Variants in SLC45A3 observed in about 807,000 individuals in gnomAD.
SLC45A3 encodes solute carrier family 45 member 3.
In SLC45A3, 17 loss-of-function variants were observed where a neutral mutation model predicts 35.3. That is an observed-to-expected ratio of 0.48 (90% CI 0.33 to 0.72). SLC45A3 has a LOEUF of 0.72. SLC45A3 is among the 30% of genes least tolerant of loss of function. The pLI is 0.02. For missense variants in SLC45A3, 597 were observed against 731.7 expected (o/e 0.82, Z 2.12); for synonymous variants, 288 against 334.3 (o/e 0.86, Z 1.51).
intron 1 of SLC45A3, among the ~76,000 whole-genome samples, chr1:205,665,348 TGCTTGGCCATGA>T (rs1464983266): frequency 2.0e-5 from 3 of 152,272 alleles, no homozygotes; most frequent in Non-Finnish European, 2.9e-5. Flanking sequence ...TATTCTGCAT[TGCTTGGCCATGA>T]GCCACACTGC....
intron 1 of SLC45A3, among the ~76,000 whole-genome samples, chr1:205,679,135 C>T (rs1052681269): frequency 6.6e-6 from 1 of 152,180 alleles, no homozygotes; most frequent in African/African-American, 2.4e-5. Context: ...GGGCCCTGGT[C>T]AACTGGCAAT....
chr1:205,670,770 C>A (rs554329838), intron 1 of SLC45A3, among the ~76,000 whole-genome samples: 2 of 152,342 alleles, frequency 1.3e-5, no homozygotes, highest in African/African-American at 4.8e-5. Flanking sequence ...GCTGCCAGCG[C>A]CGGCCCCTTC....
At chr1:205,676,698 A>T (rs1671319296) in intron 1 of SLC45A3, among the ~76,000 whole-genome samples, 1 of 152,198 alleles carries the variant, frequency 6.6e-6, no homozygotes, top group African/African-American at 2.4e-5. Flanking sequence ...GAAAACACAG[A>T]CCATGTAGTA....
intron 1 of SLC45A3, among the ~76,000 whole-genome samples, chr1:205,674,267 T>TAC (rs1465136045): frequency 2.4e-5 from 3 of 123,044 alleles, no homozygotes; most frequent in Admixed American, 1.5e-4. Context: ...CTGACACTTC[T>TAC]ATAACGAAAG....
intron 1 of SLC45A3, among the ~76,000 whole-genome samples, chr1:205,671,987 C>T (rs116783335): frequency 0.021 from 3,136 of 152,302 alleles, 73 homozygotes; most frequent in African/African-American, 0.052. Flanking sequence ...TCCAACCATC[C>T]GATGAGGTGG....
intron 1 of SLC45A3, among the ~76,000 whole-genome samples, chr1:205,673,706 T>G (rs1671253787): frequency 6.6e-6 from 1 of 152,162 alleles, no homozygotes; most frequent in South Asian, 2.1e-4. Flanking sequence ...GAGTCTGTGA[T>G]CAGTCCCATT....
At chr1:205,679,933 G>A (rs1045797434) in intron 1 of SLC45A3, among the ~76,000 whole-genome samples, 2 of 151,930 alleles carry the variant, frequency 1.3e-5, no homozygotes, top group Non-Finnish European at 2.9e-5. Flanking sequence ...GCCCCTTTCC[G>A]GTGAAGCCCA....
intron 4 of SLC45A3, 96 bp downstream of exon 4, chr1:205,661,765 A>G (rs3761916): frequency 0.3 from 443,336 of 1,500,298 alleles, 68,909 homozygotes; most frequent in East Asian, 0.47. Flanking sequence ...GCATTCTCCA[A>G]AGTTGCTTGC....
At chr1:205,676,160 C>T (rs369985187) in intron 1 of SLC45A3, among the ~76,000 whole-genome samples, 6 of 152,282 alleles carry the variant, frequency 3.9e-5, no homozygotes, top group Admixed American at 6.5e-5. Flanking sequence ...TCTAAATTGC[C>T]ACATCCCTAG....
intron 1 of SLC45A3, among the ~76,000 whole-genome samples, chr1:205,680,049 G>GCCCGGCCCGT (rs1228632914): frequency 2.7e-5 from 4 of 149,622 alleles, no homozygotes; most frequent in Non-Finnish European, 6.0e-5. Flanking sequence ...GCCCGGTCCG[G>GCCCGGCCCGT]CCCGGCCCGG....
intron 1 of SLC45A3, among the ~76,000 whole-genome samples, chr1:205,679,971 T>A (rs1671376561): frequency 6.6e-6 from 1 of 150,936 alleles, no homozygotes. Flanking sequence ...AACGCAACTT[T>A]CCAAAGAAAA....
rs978303171 is a variant in SLC45A3 at position 205,666,570 on chromosome 1, G to A, written c.-230-1684C>T. ...GTTCACTCCACCACCACCTTCAGGG[G>A]CTTTGCAGCTGGCAGATCATGAAGG... is the stretch of plus-strand genomic sequence containing the variant. On this transcript the variant is annotated intron_variant, in intron 1 of 4. Coordinates refer to ENST00000367145, the MANE Select transcript of SLC45A3 (RefSeq NM_033102.3). The surrounding 1 kb of genome is among the most constrained non-coding windows in gnomAD (Gnocchi z 4.1). 6.6e-6 allele frequency among the ~76,000 whole-genome samples: 1 copy of A among 152,318 alleles called. No homozygotes were observed. Among genetic ancestry groups the A allele is most frequent in the South Asian group, 2.1e-4 (1 of 4,826 alleles).
Position 205,673,424 on chromosome 1 carries a change from C to G in SLC45A3, c.-231+6970G>C, listed in dbSNP as rs12068335. Among the ~76,000 whole-genome samples, 810 of 152,320 alleles carry G rather than the reference C, an allele frequency of 5.3e-3. 7 individuals carry two copies. The highest frequency in any genetic ancestry group is 0.019 in the African/African-American group (778 of 41,574). Reference sequence around the variant, plus strand: ...AAAGAGAAGCCTAAATGGCTTTCCTCCTACTGAACTTGAACTCTGCCAGTC... The same window carrying G: ...AAAGAGAAGCCTAAATGGCTTTCCTGCTACTGAACTTGAACTCTGCCAGTC... On this transcript the variant is annotated intron_variant, in intron 1 of 4. Coordinates refer to ENST00000367145, the MANE Select transcript of SLC45A3 (RefSeq NM_033102.3).
intron 4 of SLC45A3, among the ~76,000 whole-genome samples, chr1:205,660,687 G>A (rs16856094): frequency 0.058 from 8,887 of 152,180 alleles, 282 homozygotes; most frequent in South Asian, 0.15. Flanking sequence ...GGAGTGGTCC[G>A]AGGACAGACA....
chr1:205,664,685 G>A lies in SLC45A3; in HGVS notation c.-29C>T. On this transcript the variant is annotated 5_prime_UTR_variant, in exon 2 of 5. Coordinates refer to ENST00000367145, the MANE Select transcript of SLC45A3 (RefSeq NM_033102.3). This position sits in a 1 kb window ranked among gnomAD's most constrained non-coding sequence, Gnocchi z 5.3. ...GGGCCAGGCGGGTAGGGCTCAGGGGGCCGTTCAGGCACTCCAGAACTGCTT... is the reference window on the plus strand; with the variant it reads ...GGGCCAGGCGGGTAGGGCTCAGGGGACCGTTCAGGCACTCCAGAACTGCTT... The A allele has an allele frequency of 1.2e-6, 2 of 1,611,098 alleles. No individual in the cohort carries two copies. Among genetic ancestry groups the A allele is most frequent in the Non-Finnish European group, 1.7e-6 (2 of 1,178,682 alleles).
At position 205,664,404 on chromosome 1, in the gene SLC45A3, T is replaced by A. The variant is rs562482215; in HGVS notation, c.172+81A>T. 1.3e-6 allele frequency: 2 copies of A among 1,554,582 alleles called. No individual in the cohort carries two copies. The highest frequency in any genetic ancestry group is 2.3e-5 in the East Asian group (1 of 44,296). On this transcript the variant is annotated intron_variant, in intron 2 of 4. Transcript: ENST00000367145. The surrounding 1 kb of genome is among the most constrained non-coding windows in gnomAD (Gnocchi z 5.3). ...CAGACCACCTCTCCCTCCAAGCAGC[T>A]CCCAGGGCAGAGGTACTCCTGTCCC...
At chr1:205,672,976 C>T (rs1388403891) in intron 1 of SLC45A3, among the ~76,000 whole-genome samples, 2 of 152,124 alleles carry the variant, frequency 1.3e-5, no homozygotes, top group Non-Finnish European at 2.9e-5. Context: ...TATAAAATCC[C>T]TACTTTGTAT....
Position 205,662,093 on chromosome 1 carries a change from T to A in SLC45A3, c.992A>T (p.Gln331Leu). ...AGAGAAGACCAGGGAGATGGCGCAC[T>A]GCAGGAACAGCCCCAGGCTGCCCAT... Reference protein sequence around the residue: ...VRMGSLGLFLQCAISLVFSLV... With the variant: ...VRMGSLGLFLLCAISLVFSLV... Residue 331 changes from glutamine (Q) to leucine (L), a missense_variant, in exon 4 of 5, where the codon CAG becomes CTG. Physicochemically the swap from Gln to Leu is moderately radical, Grantham distance 113. Around this residue, in one of 3 missense-constraint regions of SLC45A3, gnomAD observed 555 missense variants for 664.9 expected, o/e 0.83. Transcript: ENST00000367145. This position sits in a 1 kb window ranked among gnomAD's most constrained non-coding sequence, Gnocchi z 6.2. 6.2e-7 allele frequency: 1 copy of A among 1,613,946 alleles called. No individual in the cohort carries two copies. Among genetic ancestry groups the A allele is most frequent in the Non-Finnish European group, 8.5e-7 (1 of 1,179,966 alleles).
At chr1:205,675,900 C>A (rs1272094355) in intron 1 of SLC45A3, among the ~76,000 whole-genome samples, 1 of 152,148 alleles carries the variant, frequency 6.6e-6, no homozygotes, top group East Asian at 1.9e-4. Context: ...TTGGACGCTG[C>A]CCACGGTCCT....
Sources: allele counts gnomAD v4.1 joint callset (sites outside exome capture counted in the v4.1 genomes callset), GRCh38; gene constraint gnomAD v4.1.1; regional missense constraint gnomAD v4.1.1; non-coding constraint Gnocchi (gnomAD v3.1); transcripts MANE v1.5; gene names NCBI Gene and HGNC (gene_info 2026-07-23, HGNC 2026-07-21).